Variants in PHF14 observed in about 807,000 individuals in gnomAD.
The protein encoded by PHF14 is PHD finger protein 14.
In PHF14, 55 loss-of-function variants were observed where a neutral mutation model predicts 117.9. The ratio of observed to expected loss-of-function variants is 0.47; its 90% confidence interval spans 0.38 to 0.58. The LOEUF (loss-of-function observed/expected upper bound fraction) is 0.58. Among genes scored for constraint, PHF14 ranks in the 20% least tolerant of loss-of-function variants. The pLI, the probability that PHF14 is intolerant of heterozygous loss-of-function variation, is 0.00. For missense variants in PHF14, 978 were observed against 1,122.2 expected (o/e 0.87, Z 1.84); for synonymous variants, 409 against 368.6 (o/e 1.11, Z -1.26).
intron 16 of PHF14, chr7:11,107,690 C>G (rs1232576354): frequency 1.5e-6 from 1 of 670,088 alleles, no homozygotes; most frequent in Admixed American, 6.4e-5. Flanking sequence ...GTATAATAAT[C>G]TGTTTTTATT....
intron 4 of PHF14, among the ~76,000 whole-genome samples, chr7:11,002,782 G>A (rs918204421): frequency 1.3e-5 from 2 of 151,850 alleles, no homozygotes; most frequent in Admixed American, 6.6e-5. Context: ...TAATGGTTAG[G>A]GCAAACACAG....
rs760150007 is a variant in PHF14 at position 11,111,331 on chromosome 7, A to G, written c.2655-19A>G. 3.7e-5 allele frequency: 46 copies of G among 1,232,892 alleles called. No homozygotes were observed. The highest frequency in any genetic ancestry group is 4.6e-5 in the Non-Finnish European group (39 of 843,498). 76.4% of individuals were successfully genotyped at this position (1,232,892 alleles called of 1,614,324 possible). On this transcript the variant is annotated intron_variant, in intron 16 of 17. Coordinates refer to ENST00000634607, the MANE Select transcript of PHF14 (RefSeq NM_001007157.2). ...ATATTATTTAGATACACCTACCTATAAATCTGTTTACCCTGCAGGTGTGAT... is the reference window on the plus strand; with the variant it reads ...ATATTATTTAGATACACCTACCTATGAATCTGTTTACCCTGCAGGTGTGAT...
intron 17 of PHF14, among the ~76,000 whole-genome samples, chr7:11,164,961 A>G (rs529324324): frequency 8.5e-5 from 13 of 152,050 alleles, no homozygotes; most frequent in African/African-American, 2.9e-4. Context: ...GTCTCGCTCA[A>G]TTGCCCAGGC....
chr7:11,031,977 G>A (rs903968668), intron 7 of PHF14, among the ~76,000 whole-genome samples: 4 of 152,128 alleles, frequency 2.6e-5, no homozygotes, highest in Admixed American at 6.5e-5. Flanking sequence ...ATATAAAACC[G>A]GGTGTGGTGG....
At chr7:11,010,467 A>G (rs1783310443) in intron 4 of PHF14, among the ~76,000 whole-genome samples, 2 of 151,954 alleles carry the variant, frequency 1.3e-5, no homozygotes, top group Non-Finnish European at 2.9e-5. Context: ...GACATTTTAT[A>G]TGACTTTCAG....
intron 12 of PHF14, among the ~76,000 whole-genome samples, chr7:11,041,335 G>C (rs1021610563): frequency 6.6e-5 from 10 of 151,718 alleles, no homozygotes; most frequent in Non-Finnish European, 1.2e-4. Context: ...TTATAGTCAA[G>C]ACTTCTTTCC....
chr7:11,128,610 G>A (rs752450996), intron 17 of PHF14, among the ~76,000 whole-genome samples: 10 of 151,770 alleles, frequency 6.6e-5, no homozygotes, highest in Non-Finnish European at 1.3e-4. Context: ...CTATAGTATA[G>A]ACATCAGGGT....
chr7:11,061,786 T>C lies in PHF14; in HGVS notation c.2482-5T>C. Reference sequence around the variant, plus strand: ...TTTTTTGTTTTTTTTTTTGTTTTTTTCCAGAGAACCAGAGGACGAAAACGA... The same window carrying C: ...TTTTTTGTTTTTTTTTTTGTTTTTTCCCAGAGAACCAGAGGACGAAAACGA... On this transcript the variant is annotated splice_region_variant and splice_polypyrimidine_tract_variant and intron_variant, in intron 14 of 17. Coordinates refer to ENST00000634607, the MANE Select transcript of PHF14 (RefSeq NM_001007157.2). The C allele has an allele frequency of 6.7e-7, 1 of 1,498,960 alleles. No individual in the cohort carries two copies. Among genetic ancestry groups the C allele is most frequent in the Non-Finnish European group, 8.9e-7 (1 of 1,128,390 alleles). The allele number at this position is 1,498,960 out of a possible 1,614,324, so 92.9% of individuals were successfully genotyped here. A position where few individuals can be genotyped will look rare whatever the true frequency, so the allele number is the denominator to read the frequency against.
At chr7:11,030,618 A>G (rs973531844) in intron 7 of PHF14, among the ~76,000 whole-genome samples, 3 of 152,180 alleles carry the variant, frequency 2.0e-5, no homozygotes, top group Non-Finnish European at 4.4e-5. Flanking sequence ...TGGTCTGTGT[A>G]TCTTACCTAT....
intron 17 of PHF14, among the ~76,000 whole-genome samples, chr7:11,118,024 A>G (rs1466866002): frequency 1.3e-5 from 2 of 151,642 alleles, no homozygotes; most frequent in African/African-American, 4.8e-5. Context: ...TAAATTCAGT[A>G]CTCTTCTAGC....
chr7:11,046,967 A>C (rs1283377892), intron 13 of PHF14, among the ~76,000 whole-genome samples: 2 of 152,086 alleles, frequency 1.3e-5, no homozygotes, highest in Non-Finnish European at 2.9e-5. Flanking sequence ...GGAATATGGA[A>C]TGTTACTGGA....
chr7:11,112,519 C>T (rs1787480208), intron 17 of PHF14, among the ~76,000 whole-genome samples: 1 of 151,982 alleles, frequency 6.6e-6, no homozygotes, highest in Admixed American at 6.6e-5. Flanking sequence ...CACCTGTAAT[C>T]CCAGCACTTT....
chr7:11,123,041 C>T (rs1168451343), intron 17 of PHF14, among the ~76,000 whole-genome samples: 1 of 152,182 alleles, frequency 6.6e-6, no homozygotes, highest in Non-Finnish European at 1.5e-5. Flanking sequence ...AACTTCTTCT[C>T]TCCTGCGTTT....
chr7:11,095,432 G>A (rs1479922100), intron 16 of PHF14, among the ~76,000 whole-genome samples: 1 of 152,078 alleles, frequency 6.6e-6, no homozygotes, highest in Non-Finnish European at 1.5e-5. Flanking sequence ...AGGATATGAT[G>A]GGTCTTTATT....
intron 16 of PHF14, chr7:11,071,274 A>G (rs1182138407): frequency 1.9e-6 from 1 of 518,470 alleles, no homozygotes; most frequent in African/African-American, 1.9e-5. Flanking sequence ...TCCCAAGTCC[A>G]TGTTACCTGT....
intron 2 of PHF14, among the ~76,000 whole-genome samples, chr7:10,978,420 G>A (rs1154922): frequency 0.35 from 53,171 of 152,070 alleles, 10,294 homozygotes; most frequent in Middle Eastern, 0.46. Context: ...GAGGAGGTAA[G>A]AGTGGAACTA....
chr7:11,126,125 T>A (rs964035060), intron 17 of PHF14, among the ~76,000 whole-genome samples: 3 of 152,130 alleles, frequency 2.0e-5, no homozygotes, highest in African/African-American at 7.2e-5. Context: ...GATTAGTTAT[T>A]TGTAAATCAT....
chr7:10,974,940 CCT>C lies in PHF14; in HGVS notation c.109_110del (p.Ser37ArgfsTer3). 6.9e-7 allele frequency: 1 copy of C among 1,456,718 alleles called. No homozygotes were observed. Among genetic ancestry groups the C allele is most frequent in the Non-Finnish European group, 9.5e-7 (1 of 1,050,584 alleles). 90.2% of individuals were successfully genotyped at this position (1,456,718 alleles called of 1,614,324 possible). On this transcript the variant is annotated frameshift_variant, in exon 2 of 18. Coordinates refer to ENST00000634607, the MANE Select transcript of PHF14 (RefSeq NM_001007157.2). LOFTEE classifies it high-confidence loss of function. ...GACAGTGATTTTAAAGTTGGAGATG[CCT>C]CAGGTAAATATTTCCTTCTCTCTTC...
intron 17 of PHF14, among the ~76,000 whole-genome samples, chr7:11,126,057 T>C (rs951954412): frequency 9.2e-5 from 14 of 152,118 alleles, no homozygotes; most frequent in Non-Finnish European, 1.9e-4. Flanking sequence ...TCTCAATTTT[T>C]AAAGACCAAT....
Sources: gnomAD v4.1 joint callset for allele counts (sites outside exome capture counted in the v4.1 genomes callset) on GRCh38, gnomAD v4.1.1 for gene constraint, MANE v1.5 for transcripts, NCBI Gene and HGNC (gene_info 2026-07-23, HGNC 2026-07-21) for gene names.